The following ADAD1 variants were observed in gnomAD, a reference collection of about 807,000 sequenced individuals.
ADAD1 encodes the protein adenosine deaminase domain-containing protein 1.
In ADAD1, 46 loss-of-function variants were observed where a neutral mutation model predicts 66.8. The ratio of observed to expected loss-of-function variants is 0.69; its 90% CI spans 0.54 to 0.88. The LOEUF is 0.88. ADAD1 is among the 40% of genes least tolerant of loss of function. The pLI, the probability that ADAD1 is intolerant of heterozygous loss-of-function variation, is 0.00. For missense variants in ADAD1, 617 were observed against 681.8 expected (o/e 0.91, Z 1.06); for synonymous variants, 248 against 229.4 (o/e 1.08, Z -0.73).
chr4:122,414,154 A>G (rs994150622), intron 10 of ADAD1, among the ~76,000 whole-genome samples: 10 of 149,772 alleles, frequency 6.7e-5, no homozygotes, highest in African/African-American at 7.3e-5. Context: ...TTTCTATTAT[A>G]TTAGGTTTTA....
chr4:122,398,064 G>A (rs758642172), intron 7 of ADAD1, among the ~76,000 whole-genome samples: 1 of 152,060 alleles, frequency 6.6e-6, no homozygotes, highest in Non-Finnish European at 1.5e-5. Flanking sequence ...CTTTAGTGGC[G>A]ATTTCTGAGA....
chr4:122,417,437 A>G (rs1189507520), intron 11 of ADAD1, among the ~76,000 whole-genome samples: 1 of 152,150 alleles, frequency 6.6e-6, no homozygotes, highest in Non-Finnish European at 1.5e-5. Flanking sequence ...AACCTTAGCA[A>G]TATAGACAGT....
At chr4:122,392,408 A>T (rs533750509) in intron 5 of ADAD1, among the ~76,000 whole-genome samples, 1 of 152,216 alleles carries the variant, frequency 6.6e-6, no homozygotes, top group African/African-American at 2.4e-5. Context: ...AGCAACATGG[A>T]TGGAGCTGGA....
chr4:122,415,629 A>G lies in ADAD1; in HGVS notation c.1487+13A>G. The G allele has an allele frequency of 1.2e-6, 2 of 1,600,188 alleles. No individual in the cohort carries two copies. The highest frequency in any genetic ancestry group is 1.7e-6 in the Non-Finnish European group (2 of 1,168,184). On this transcript the variant is annotated intron_variant, in intron 11 of 12. Coordinates refer to ENST00000296513, the MANE Select transcript of ADAD1 (RefSeq NM_139243.4). ...AGATCACTGAAAGGTTAAAATTACT[A>G]ATTTCTTTAAACCATATATTACTTA...
chr4:122,429,554 C>A, intron 12 of ADAD1, 72 bp from the exon 13 acceptor site: 2 of 762,594 alleles, frequency 2.6e-6, no homozygotes, highest in Non-Finnish European at 4.2e-6. Context: ...GCTAAAGAAA[C>A]AGTATTGGGG....
intron 7 of ADAD1, among the ~76,000 whole-genome samples, chr4:122,397,378 A>G (rs1795766166): frequency 6.6e-6 from 1 of 152,208 alleles, no homozygotes; most frequent in Non-Finnish European, 1.5e-5. Context: ...GGCAAATTAT[A>G]TACTTAACGT....
intron 7 of ADAD1, among the ~76,000 whole-genome samples, chr4:122,400,969 T>C (rs1795947198): frequency 6.6e-6 from 1 of 152,110 alleles, no homozygotes; most frequent in Non-Finnish European, 1.5e-5. Context: ...ATTTATCTTT[T>C]GTTTTTGGTG....
At chr4:122,421,125 T>C in intron 11 of ADAD1, 136 bp from the exon 12 acceptor site, 1 of 531,604 alleles carries the variant, frequency 1.9e-6, no homozygotes, top group Non-Finnish European at 2.8e-6. Flanking sequence ...ATGCCTCTTA[T>C]GTAAAAAAAA....
At chr4:122,423,730 A>G (rs539100321) in intron 12 of ADAD1, among the ~76,000 whole-genome samples, 1 of 152,052 alleles carries the variant, frequency 6.6e-6, no homozygotes, top group South Asian at 2.1e-4. Flanking sequence ...CCCAGATACA[A>G]TAAGATATTA....
intron 12 of ADAD1, among the ~76,000 whole-genome samples, chr4:122,424,735 A>C (rs112785957): frequency 1.3e-5 from 2 of 152,298 alleles, no homozygotes; most frequent in African/African-American, 4.8e-5. Context: ...CACCATATCA[A>C]TAATTACAAT....
intron 7 of ADAD1, among the ~76,000 whole-genome samples, chr4:122,402,272 T>C (rs990088598): frequency 1.1e-4 from 16 of 152,226 alleles, no homozygotes; most frequent in African/African-American, 3.1e-4. Flanking sequence ...TTTTGCTAGA[T>C]ACAATATTCT....
chr4:122,385,072 T>G lies in ADAD1; in HGVS notation c.529+1106T>G, dbSNP rs76356253. Among the ~76,000 whole-genome samples, 1,141 of 152,280 alleles carry G rather than the reference T, an allele frequency of 7.5e-3. 11 individuals carry two copies. Among genetic ancestry groups the G allele is most frequent in the South Asian group, 0.029 (138 of 4,822 alleles). ...CTGTAGACAGCTGAGTTTAAATATCTATTTGTGTTATGAAAGGATGTAGAA... is the reference window on the plus strand; with the variant it reads ...CTGTAGACAGCTGAGTTTAAATATCGATTTGTGTTATGAAAGGATGTAGAA... On this transcript the variant is annotated intron_variant, in intron 5 of 12. Coordinates refer to ENST00000296513, the MANE Select transcript of ADAD1 (RefSeq NM_139243.4).
chr4:122,395,535 G>A (rs1183700556), intron 6 of ADAD1, among the ~76,000 whole-genome samples: 1 of 151,908 alleles, frequency 6.6e-6, no homozygotes, highest in East Asian at 2.0e-4. Flanking sequence ...ACAAAAATTA[G>A]CCGGGCATGG....
intron 11 of ADAD1, 24 bp downstream of exon 11, chr4:122,415,640 A>G (rs1305879486): frequency 1.3e-6 from 2 of 1,577,242 alleles, no homozygotes; most frequent in Non-Finnish European, 1.7e-6. Context: ...ATTTCTTTAA[A>G]CCATATATTA....
Position 122,411,324 on chromosome 4 carries a change from A to G in ADAD1, c.951A>G (p.Lys317=), listed in dbSNP as rs1442089225. The change falls in exon 9 of 13, where the codon AAA becomes AAG. Residue 317 remains lysine, a synonymous_variant. Coordinates refer to ENST00000296513, the MANE Select transcript of ADAD1 (RefSeq NM_139243.4). ...CAACTTCTAATCTACTCACTCTTAA[A>G]CAGAATATCAACATTTGCCTTTACA... is the stretch of plus-strand genomic sequence containing the variant. The part of the protein sequence containing the change: ...TEPTSNLLTL[K]QNINICLYMN... The G allele has an allele frequency of 3.7e-6, 6 of 1,613,382 alleles. No homozygotes were observed. The highest frequency in any genetic ancestry group is 2.2e-5 in the East Asian group (1 of 44,840).
At chr4:122,399,338 G>T (rs113861439) in intron 7 of ADAD1, among the ~76,000 whole-genome samples, 1 of 151,886 alleles carries the variant, frequency 6.6e-6, no homozygotes, top group Non-Finnish European at 1.5e-5. Flanking sequence ...ATTATTCTGC[G>T]TGCCTAGTTG....
chr4:122,390,691 T>A (rs1454800351), intron 5 of ADAD1, among the ~76,000 whole-genome samples: 1 of 152,242 alleles, frequency 6.6e-6, no homozygotes, highest in African/African-American at 2.4e-5. Context: ...ATGCAGTTTT[T>A]TTCAGCTCCA....
At chr4:122,395,201 C>T (rs536720927) in intron 6 of ADAD1, among the ~76,000 whole-genome samples, 2 of 152,124 alleles carry the variant, frequency 1.3e-5, no homozygotes, top group East Asian at 3.9e-4. Context: ...CAGGCACCCA[C>T]CACCATGCCT....
chr4:122,397,043 G>C (rs1795750349), intron 7 of ADAD1, among the ~76,000 whole-genome samples: 1 of 152,118 alleles, frequency 6.6e-6, no homozygotes, highest in African/African-American at 2.4e-5. Flanking sequence ...GACTTAAGCT[G>C]TAACTTTAAG....
Sources: gnomAD v4.1 joint callset for allele counts (sites outside exome capture counted in the v4.1 genomes callset) on GRCh38, gnomAD v4.1.1 for gene constraint, MANE v1.5 for transcripts, NCBI Gene and HGNC (gene_info 2026-07-23, HGNC 2026-07-21) for gene names.